The following SSBP1 variants were observed in gnomAD, a reference collection of about 807,000 sequenced individuals.
SSBP1 encodes the protein single stranded DNA binding protein 1.
In SSBP1, 20 loss-of-function variants were observed where a neutral mutation model predicts 27.0. That is an observed-to-expected ratio of 0.74 (90% confidence interval 0.52 to 1.08). SSBP1 has a LOEUF of 1.08. Among genes scored for constraint, SSBP1 ranks in the 50% least tolerant of loss-of-function variants. The pLI, the probability that SSBP1 is intolerant of heterozygous loss-of-function variation, is 0.00. For synonymous variants in SSBP1, 59 were observed against 59.3 expected, an observed-to-expected ratio of 1.00 and a Z score of 0.02; for missense variants, 137 against 182.4, an observed-to-expected ratio of 0.75 and a Z score of 1.44.
At chr7:141,739,366 AAAAC>A (rs1799424614) in intron 2 of SSBP1, 176 bp downstream of exon 2, 1 of 438,628 alleles carries the variant, frequency 2.3e-6, no homozygotes, top group Admixed American at 4.2e-5. Context: ...TATGTTCACT[AAAAC>A]AAAAAAAAAG....
intron 2 of SSBP1, 124 bp downstream of exon 2, chr7:141,739,314 C>A: frequency 1.6e-6 from 1 of 634,240 alleles, no homozygotes; most frequent in South Asian, 4.0e-5. Context: ...CCTCTATACT[C>A]ATTTGATATG....
At chr7:141,748,087 A>G (rs950102714) in intron 6 of SSBP1, among the ~76,000 whole-genome samples, 3 of 151,066 alleles carry the variant, frequency 2.0e-5, no homozygotes, top group Admixed American at 6.6e-5. Flanking sequence ...ATGAACTCCT[A>G]CCATTTCGCT....
intron 2 of SSBP1, 63 bp from the exon 3 acceptor site, chr7:141,742,103 ATTC>A: frequency 1.7e-6 from 2 of 1,209,742 alleles, no homozygotes; most frequent in Non-Finnish European, 2.4e-6. Context: ...AACGTGAGTA[ATTC>A]TTCTGTTTGC....
intron 6 of SSBP1, among the ~76,000 whole-genome samples, chr7:141,748,906 G>A (rs1799875689): frequency 6.6e-6 from 1 of 152,158 alleles, no homozygotes; most frequent in Admixed American, 6.5e-5. Context: ...TTGTTCTGAA[G>A]TAACCGTTCT....
intron 6 of SSBP1, among the ~76,000 whole-genome samples, chr7:141,749,910 C>T (rs1449208140): frequency 6.6e-6 from 1 of 152,212 alleles, no homozygotes; most frequent in Non-Finnish European, 1.5e-5. Flanking sequence ...TTACTCTTTC[C>T]TCTAGACCCC....
At chr7:141,749,559 A>T (rs1324667746) in intron 6 of SSBP1, among the ~76,000 whole-genome samples, 1 of 152,232 alleles carries the variant, frequency 6.6e-6, no homozygotes, top group Non-Finnish European at 1.5e-5. Flanking sequence ...AGGCGGGCAG[A>T]TCACTTGAGG....
chr7:141,738,337 C>G (rs1034571912), upstream of SSBP1: 2 of 152,266 alleles, frequency 1.3e-5, no homozygotes, highest in Non-Finnish European at 2.9e-5. Context: ...CCTTTTTCCT[C>G]TGGCGAGCTT....
At chr7:141,744,492 T>C (rs1329765171) in intron 5 of SSBP1, among the ~76,000 whole-genome samples, 3 of 152,242 alleles carry the variant, frequency 2.0e-5, no homozygotes, top group African/African-American at 7.2e-5. Context: ...AGTTCCCTTT[T>C]GGAAGGCTTG....
Position 141,739,070 on chromosome 7 carries a change from G to A in SSBP1, c.-43-54G>A, listed in dbSNP as rs1799403340. On this transcript the variant is annotated intron_variant, in intron 1 of 6. Transcript: ENST00000265304. ...GTTAGGAATTTAGGACTGGTGAGTT[G>A]TACTTTTGCCATAAGAGGTAATGTT... The A allele has an allele frequency of 3.7e-6, 4 of 1,071,424 alleles. No homozygotes were observed. The South Asian group carries it at 6.4e-5, about 17-fold the overall frequency. The allele number at this position is 1,071,424 out of a possible 1,614,324, so 66.4% of individuals were successfully genotyped here.
chr7:141,743,101 C>T (rs1489148448), intron 3 of SSBP1, among the ~76,000 whole-genome samples: 2 of 152,224 alleles, frequency 1.3e-5, no homozygotes, highest in Non-Finnish European at 2.9e-5. Context: ...GATCCGCCCG[C>T]CTTGGCCTCC....
In SSBP1 at chr7:141,739,189, A is replaced by T. The variant is rs930550536; in HGVS notation, c.23A>T (p.Gln8Leu). 6.2e-7 allele frequency: 1 copy of T among 1,601,852 alleles called. No homozygotes were observed. The highest frequency in any genetic ancestry group is 8.5e-7 in the Non-Finnish European group (1 of 1,174,318). The stretch of plus-strand genomic sequence containing the variant: ...GCCATGTTTCGAAGACCTGTATTAC[A>T]GGTAGTCACTTGTCTGTATTAATAC... MFRRPVL[Q>L]VLRQFVRHES... Residue 8 changes from glutamine (Q) to leucine (L), a missense_variant and splice_region_variant, in exon 2 of 7, where the codon CAG (glutamine) becomes CTG (leucine). Gln to Leu is a moderately radical substitution (Grantham distance 113). This residue lies in a region of SSBP1 where 42 missense variants were observed against 30.4 expected (regional missense o/e 1.38). Coordinates refer to ENST00000265304, the MANE Select transcript of SSBP1 (RefSeq NM_003143.3).
intron 6 of SSBP1, among the ~76,000 whole-genome samples, chr7:141,749,857 G>GT (rs1238934232): frequency 3.1e-4 from 47 of 152,140 alleles, no homozygotes; most frequent in Admixed American, 1.5e-3. Context: ...AGTTAAAAAC[G>GT]TAAGTAAATC....
intron 3 of SSBP1, among the ~76,000 whole-genome samples, chr7:141,742,522 G>A (rs1317626299): frequency 6.6e-6 from 1 of 152,156 alleles, no homozygotes; most frequent in Admixed American, 6.5e-5. Flanking sequence ...GTTGTATTAG[G>A]CTGAGATTGT....
intron 1 of SSBP1, chr7:141,738,731 T>C (rs1463220296): frequency 6.4e-6 from 1 of 155,994 alleles, no homozygotes; most frequent in Non-Finnish European, 1.4e-5. Flanking sequence ...GTGATGCTAA[T>C]ATTTATGGAG....
At chr7:141,739,273 G>C in intron 2 of SSBP1, 83 bp downstream of exon 2, 1 of 1,200,988 alleles carries the variant, frequency 8.3e-7, no homozygotes, top group Non-Finnish European at 1.2e-6. Context: ...TTTAACTACA[G>C]GGGCAAAAGA....
chr7:141,738,355 C>A (rs1176079621), upstream of SSBP1: 1 of 152,418 alleles, frequency 6.6e-6, no homozygotes, highest in Non-Finnish European at 1.5e-5. Context: ...CTTTGCGTTC[C>A]CTGTGCGCCG....
intron 2 of SSBP1, chr7:141,739,735 C>A (rs1309648785): frequency 6.6e-6 from 1 of 152,192 alleles, no homozygotes; most frequent in Non-Finnish European, 1.5e-5. Context: ...TCCTCACTTA[C>A]CACATTCGGG....
rs1328792508 is a variant in SSBP1 at position 141,743,947 on chromosome 7, G to A, written c.272G>A (p.Arg91Gln). 2 of 1,613,130 alleles carry A rather than the reference G, an allele frequency of 1.2e-6. No individual in the cohort carries two copies. The highest frequency in any genetic ancestry group is 1.7e-6 in the Non-Finnish European group (2 of 1,179,964). ...ACATGGCACAGAATATCAGTATTCC[G>A]GCCAGGCCTCAGAGACGTGGCATAT... ...KTTWHRISVF[R>Q]PGLRDVAYQY... is the part of the protein sequence containing the mutation. Residue 91 changes from arginine to glutamine, a missense_variant, in exon 5 of 7, where the codon CGG becomes CAG. Around this residue, in one of 2 missense-constraint regions of SSBP1, gnomAD observed 95 missense variants for 152.0 expected, o/e 0.62. Coordinates refer to ENST00000265304, the MANE Select transcript of SSBP1 (RefSeq NM_003143.3).
At position 141,747,104 on chromosome 7, in the gene SSBP1, ATTGAC is replaced by A. The variant is rs147714616; in HGVS notation, c.403+1523_403+1527del. Among the ~76,000 whole-genome samples the A allele has an allele frequency of 3.7e-3, 570 of 152,306 alleles. 4 individuals are homozygous for A. Among genetic ancestry groups the A allele is most frequent in the African/African-American group, 0.013 (538 of 41,578 alleles). On this transcript the variant is annotated intron_variant, in intron 6 of 6. Transcript: ENST00000265304. ...AGAATTCTATGACAAATTCTTCTCA[ATTGAC>A]TTATCATTAAAGTTGTTTTTAGTAC... is the stretch of plus-strand genomic sequence containing the variant.
Sources: allele counts gnomAD v4.1 joint callset (sites outside exome capture counted in the v4.1 genomes callset), GRCh38; gene constraint gnomAD v4.1.1; regional missense constraint gnomAD v4.1.1; transcripts MANE v1.5; gene names NCBI Gene and HGNC (gene_info 2026-07-23, HGNC 2026-07-21).